The following GRM7 variants were observed in gnomAD, a reference collection of about 807,000 sequenced individuals.
The protein encoded by GRM7 is metabotropic glutamate receptor 7.
In GRM7, 35 loss-of-function variants were observed where a neutral mutation model predicts 84.5. The ratio of observed to expected loss-of-function variants is 0.41; its 90% CI spans 0.32 to 0.55. The LOEUF is 0.55. GRM7 is among the 20% of genes least tolerant of loss of function. The pLI, the probability that GRM7 is intolerant of heterozygous loss-of-function variation, is 0.19. For synonymous variants in GRM7, 487 were observed against 455.1 expected, an observed-to-expected ratio of 1.07 and a Z score of -0.89; for missense variants, 1,003 against 1,194.6, an observed-to-expected ratio of 0.84 and a Z score of 2.36.
Position 6,876,147 on chromosome 3 carries a change from G to A in GRM7, c.519+14240G>A, listed in dbSNP as rs537535335. Reference sequence around the variant, plus strand: ...TCCGGGCATGGCGGCGGGTACCTGCGATCCCAGTTACTCGGGAGGCTGAGG... The same window carrying A: ...TCCGGGCATGGCGGCGGGTACCTGCAATCCCAGTTACTCGGGAGGCTGAGG... On this transcript the variant is annotated intron_variant, in intron 1 of 9. Transcript: ENST00000357716. Among the ~76,000 whole-genome samples, 134 of 151,850 alleles carry A rather than the reference G, an allele frequency of 8.8e-4. 1 individual carries two copies. Among genetic ancestry groups the A allele is most frequent in the African/African-American group, 2.9e-3 (120 of 41,382 alleles).
intron 1 of GRM7, among the ~76,000 whole-genome samples, chr3:6,950,582 C>T (rs1207955565): frequency 6.6e-6 from 1 of 152,250 alleles, no homozygotes; most frequent in Non-Finnish European, 1.5e-5. Flanking sequence ...CTCTTCAAAA[C>T]TGTCAGACAG....
chr3:7,613,145 C>A (rs1234024936), intron 8 of GRM7, among the ~76,000 whole-genome samples: 1 of 151,808 alleles, frequency 6.6e-6, no homozygotes, highest in East Asian at 1.9e-4. Context: ...AAGTTAAATT[C>A]TACTTGTCTC....
chr3:6,957,992 G>C (rs1693133295), intron 1 of GRM7, among the ~76,000 whole-genome samples: 1 of 152,044 alleles, frequency 6.6e-6, no homozygotes, highest in Non-Finnish European at 1.5e-5. Flanking sequence ...GAACACAGAA[G>C]GATGTTTTAA....
intron 4 of GRM7, among the ~76,000 whole-genome samples, chr3:7,395,136 T>C (rs1695158905): frequency 6.6e-6 from 1 of 152,176 alleles, no homozygotes; most frequent in African/African-American, 2.4e-5. Flanking sequence ...TCTTTTCCGC[T>C]TTAAATATGT....
chr3:7,066,203 AC>A (rs1697654160), intron 1 of GRM7, among the ~76,000 whole-genome samples: 1 of 151,964 alleles, frequency 6.6e-6, no homozygotes, highest in Non-Finnish European at 1.5e-5. Context: ...ATGGAAAAAA[AC>A]AAACAAAATT....
intron 5 of GRM7, among the ~76,000 whole-genome samples, chr3:7,421,916 T>TAAAAAA (rs773501237): frequency 1.3e-5 from 1 of 78,820 alleles, no homozygotes. Flanking sequence ...CTACAAACAG[T>TAAAAAA]AAAAAAAAAA....
At chr3:7,094,543 T>C (rs1271692603) in intron 1 of GRM7, among the ~76,000 whole-genome samples, 2 of 152,164 alleles carry the variant, frequency 1.3e-5, no homozygotes, top group Non-Finnish European at 2.9e-5. Context: ...TACTGCCAGG[T>C]TTATACTCTT....
At chr3:7,083,759 A>C (rs1698348911) in intron 1 of GRM7, among the ~76,000 whole-genome samples, 1 of 152,154 alleles carries the variant, frequency 6.6e-6, no homozygotes, top group South Asian at 2.1e-4. Context: ...TAGCACATAC[A>C]TTTACTAAAT....
At chr3:7,143,598 TCCTCAGGATTTTCATTACTAAAATATGGG>T (rs1694018656) in intron 1 of GRM7, among the ~76,000 whole-genome samples, 1 of 152,164 alleles carries the variant, frequency 6.6e-6, no homozygotes, top group African/African-American at 2.4e-5. Context: ...GAAATCTGTT[TCCTCAGGATTTTCATTACTAAAATATGGG>T]GCATGGTGTA....
intron 2 of GRM7, among the ~76,000 whole-genome samples, chr3:7,245,433 G>A (rs1411078697): frequency 6.6e-6 from 1 of 151,724 alleles, no homozygotes; most frequent in Non-Finnish European, 1.5e-5. Flanking sequence ...AATGAAAAGA[G>A]ATAACGACAA....
intron 5 of GRM7, among the ~76,000 whole-genome samples, chr3:7,445,312 G>T (rs769683111): frequency 2.2e-4 from 33 of 152,134 alleles, no homozygotes; most frequent in Non-Finnish European, 3.5e-4. Flanking sequence ...AAACCATTTG[G>T]CTCATTTTTT....
chr3:7,601,131 A>G (rs1241208743), intron 8 of GRM7, among the ~76,000 whole-genome samples: 1 of 152,190 alleles, frequency 6.6e-6, no homozygotes, highest in African/African-American at 2.4e-5. Context: ...TATGCTGGTT[A>G]TTAAACCTGC....
intron 1 of GRM7, among the ~76,000 whole-genome samples, chr3:7,024,639 A>T (rs1391164199): frequency 6.6e-6 from 1 of 152,212 alleles, no homozygotes; most frequent in Non-Finnish European, 1.5e-5. Context: ...TTGGTCACAA[A>T]ATCGCAGTCT....
intron 5 of GRM7, among the ~76,000 whole-genome samples, chr3:7,444,064 T>C (rs1697404099): frequency 6.6e-6 from 1 of 152,214 alleles, no homozygotes; most frequent in Non-Finnish European, 1.5e-5. Context: ...CATCCTTTTA[T>C]CTCATGCTTT....
intron 1 of GRM7, among the ~76,000 whole-genome samples, chr3:6,972,430 G>C (rs1211892206): frequency 6.6e-6 from 1 of 152,064 alleles, no homozygotes; most frequent in Admixed American, 6.5e-5. Flanking sequence ...TTTCTTGCAG[G>C]GTGGCTCAGA....
chr3:7,496,458 A>G (rs894595644), intron 7 of GRM7, among the ~76,000 whole-genome samples: 14 of 152,296 alleles, frequency 9.2e-5, no homozygotes, highest in South Asian at 8.3e-4. Context: ...ATGATGTCAT[A>G]AAAAAACACA....
chr3:6,901,604 TAAAAAAAAAAAAA>T (rs33945077), intron 1 of GRM7, among the ~76,000 whole-genome samples: 770 of 40,544 alleles, frequency 0.019, 32 homozygotes, highest in African/African-American at 0.069. Flanking sequence ...AGACTCCGTC[TAAAAAAAAAAAAA>T]AAAAAAAAAA....
chr3:7,385,526 T>G (rs560282297), intron 4 of GRM7, among the ~76,000 whole-genome samples: 2 of 152,150 alleles, frequency 1.3e-5, no homozygotes, highest in Admixed American at 6.5e-5. Context: ...GGTCTCGATC[T>G]CCTGACCTCG....
intron 7 of GRM7, among the ~76,000 whole-genome samples, chr3:7,530,603 C>A (rs1179549162): frequency 6.6e-6 from 1 of 152,152 alleles, no homozygotes; most frequent in Non-Finnish European, 1.5e-5. Flanking sequence ...TCTCCAGCAT[C>A]TATTGTTTCC....
Sources: gnomAD v4.1 joint callset for allele counts (sites outside exome capture counted in the v4.1 genomes callset) on GRCh38, gnomAD v4.1.1 for gene constraint, MANE v1.5 for transcripts, NCBI Gene and HGNC (gene_info 2026-07-23, HGNC 2026-07-21) for gene names.